The following ENPEP variants were observed in gnomAD, a reference collection of about 807,000 sequenced individuals.
The protein encoded by ENPEP is AP-A.
In ENPEP, 103 loss-of-function variants were observed where a neutral mutation model predicts 114.5. The ratio of observed to expected loss-of-function variants is 0.90; its 90% CI spans 0.77 to 1.06. ENPEP has a LOEUF of 1.06. Ranked by LOEUF, ENPEP falls within the 50% of genes least tolerant of loss-of-function variation. The probability of loss-of-function intolerance (pLI) is 0.00; values close to 1 mark genes in which losing one functional copy is unlikely to be tolerated. For synonymous variants in ENPEP, 420 were observed against 422.0 expected, an observed-to-expected ratio of 1.00 and a Z score of 0.06; for missense variants, 1,196 against 1,161.3, an observed-to-expected ratio of 1.03 and a Z score of -0.43.
At position 110,513,415 on chromosome 4, in the gene ENPEP, C is replaced by T. The variant is rs151006682; in HGVS notation, c.1309C>T (p.Arg437Cys). The T allele has an allele frequency of 3.1e-5, 50 of 1,609,212 alleles. No homozygotes were observed. The highest frequency in any genetic ancestry group is 2.0e-4 in the East Asian group (9 of 44,590). ...VNHAETDWQM[R>C]DQMLLEDVLP... ...CCTTTGGCTCATTCTTTCATTTCAG[C>T]GTGACCAAATGTTACTTGAAGATGT... The change falls in exon 7 of 20, where the codon CGT (arginine) becomes TGT (cysteine). Residue 437 changes from arginine to cysteine, a missense_variant and splice_region_variant. Arg to Cys is a radical substitution (Grantham distance 180). Coordinates refer to ENST00000265162, the MANE Select transcript of ENPEP (RefSeq NM_001977.4).
At chr4:110,492,052 T>A (rs578201767) in intron 3 of ENPEP, among the ~76,000 whole-genome samples, 3 of 152,104 alleles carry the variant, frequency 2.0e-5, no homozygotes, top group Non-Finnish European at 4.4e-5. Flanking sequence ...CCACATACTT[T>A]TACCTAATTA....
chr4:110,478,854 A>C (rs1437479543), intron 1 of ENPEP, among the ~76,000 whole-genome samples: 4 of 152,244 alleles, frequency 2.6e-5, no homozygotes, highest in African/African-American at 9.6e-5. Context: ...TATTATAAAC[A>C]AATCATCAAA....
At position 110,476,810 on chromosome 4, in the gene ENPEP, G is replaced by C. The variant is rs371805680; in HGVS notation, c.396G>C (p.Leu132=). Residue 132 remains leucine (L), a synonymous_variant, in exon 1 of 20, where the codon CTG becomes CTC. Transcript: ENST00000265162. The part of the protein sequence containing the change: ...SINLSAPTRY[L]WLHLRETRIT... ...ACCTGAGCGCTCCCACCCGGTACCT[G>C]TGGCTGCACCTCCGGGAGACCAGGA... 2.3e-5 allele frequency: 37 copies of C among 1,614,060 alleles called. No individual in the cohort carries two copies. Among genetic ancestry groups the C allele is most frequent in the Non-Finnish European group, 3.1e-5 (36 of 1,180,034 alleles).
At chr4:110,502,809 T>C (rs1251009518) in intron 3 of ENPEP, among the ~76,000 whole-genome samples, 1 of 152,188 alleles carries the variant, frequency 6.6e-6, no homozygotes, top group African/African-American at 2.4e-5. Flanking sequence ...GTCAAAACTA[T>C]CACTGGTTGT....
intron 1 of ENPEP, among the ~76,000 whole-genome samples, chr4:110,488,166 C>G (rs1724569813): frequency 6.6e-6 from 1 of 152,174 alleles, no homozygotes; most frequent in Admixed American, 6.5e-5. Context: ...TGTTTATCTA[C>G]TTGTTGCTCA....
In ENPEP at chr4:110,563,722, A is replaced by T. The variant is rs1023096938; in HGVS notation, c.*2164A>T. On this transcript the variant is annotated 3_prime_UTR_variant, in exon 20 of 20. Transcript: ENST00000265162. ...GAAAATATGGGAAGCAAGGTCATGT[A>T]GCAAAAAGCAAGGCCAGTATTACTG... The T allele has an allele frequency of 6.6e-6, 1 of 152,240 alleles. No homozygotes were observed. The highest frequency in any genetic ancestry group is 1.5e-5 in the Non-Finnish European group (1 of 68,026). The allele number at this position is 152,240 out of a possible 1,614,324, so 9.4% of individuals were successfully genotyped here.
chr4:110,500,582 C>G (rs952132482), intron 3 of ENPEP, among the ~76,000 whole-genome samples: 2 of 152,078 alleles, frequency 1.3e-5, no homozygotes, highest in Non-Finnish European at 2.9e-5. Context: ...ATAAAGTAGA[C>G]ATACGAACTT....
In ENPEP at chr4:110,564,240, G is replaced by A. The variant is rs906928388; in HGVS notation, c.*2682G>A. On this transcript the variant is annotated 3_prime_UTR_variant, in exon 20 of 20. Transcript: ENST00000265162. ...TGGAGAAGTTATAGAACTTGCACAAGGCTACAAAAGTTGTATTTGGCACCA... is the reference window on the plus strand; with the variant it reads ...TGGAGAAGTTATAGAACTTGCACAAAGCTACAAAAGTTGTATTTGGCACCA... 5.9e-5 allele frequency: 9 copies of A among 152,112 alleles called. No individual in the cohort carries two copies. The highest frequency in any genetic ancestry group is 1.2e-4 in the African/African-American group (5 of 41,414). 9.4% of individuals were successfully genotyped at this position (152,112 alleles called of 1,614,324 possible).
chr4:110,490,014 G>A (rs988631174), intron 2 of ENPEP, among the ~76,000 whole-genome samples: 1 of 152,130 alleles, frequency 6.6e-6, no homozygotes, highest in African/African-American at 2.4e-5. Flanking sequence ...AGGTTTGATT[G>A]GAGAAGAAAG....
Position 110,549,354 on chromosome 4 carries a change from C to T in ENPEP, c.2160C>T (p.Phe720=). ...KELYPMIEEY[F]QGQVKPIADS... ...TAATACTTTTATTTCAGGAATACTT[C>T]CAAGGTCAAGTGAAGCCTATTGCAG... Residue 720 remains phenylalanine (F), a synonymous_variant, in exon 15 of 20, where the codon TTC becomes TTT. Transcript: ENST00000265162. 1.9e-6 allele frequency: 3 copies of T among 1,612,642 alleles called. No homozygotes were observed. The highest frequency in any genetic ancestry group is 2.2e-5 in the East Asian group (1 of 44,844).
At position 110,488,594 on chromosome 4, in the gene ENPEP, G is replaced by C. The variant is rs747854381; in HGVS notation, c.698G>C (p.Cys233Ser). ...ACAGATGCCAGGAAATCTTTTCCTT[G>C]TTTTGATGAGCCCAACAAAAAGGCA... The part of the protein sequence containing the change: ...EPTDARKSFP[C>S]FDEPNKKATY... The change falls in exon 2 of 20, where the codon TGT becomes TCT. Residue 233 changes from cysteine (C) to serine (S), a missense_variant. By Grantham distance (112) the Cys-to-Ser change is moderately radical. Coordinates refer to ENST00000265162, the MANE Select transcript of ENPEP (RefSeq NM_001977.4). The C allele has an allele frequency of 1.8e-5, 29 of 1,613,784 alleles. No homozygotes were observed. Among genetic ancestry groups the C allele is most frequent in the Non-Finnish European group, 2.3e-5 (27 of 1,179,948 alleles).
intron 11 of ENPEP, among the ~76,000 whole-genome samples, chr4:110,531,760 TA>T: frequency 6.6e-6 from 1 of 152,278 alleles, no homozygotes; most frequent in East Asian, 1.9e-4. Flanking sequence ...TAAAAACAAG[TA>T]AACCTTCTCA....
rs147367863 is a variant in ENPEP at position 110,561,457 on chromosome 4, A to G, written c.2773A>G (p.Arg925Gly). ...ACAAGCTGGAGCAGGAGAAAAACCTAGGGAACAAGTGCTGGAAACAGTGAA... is the reference window on the plus strand; with the variant it reads ...ACAAGCTGGAGCAGGAGAAAAACCTGGGGAACAAGTGCTGGAAACAGTGAA... ...YPQAGAGEKPREQVLETVKNN... is the reference protein window; with the variant it reads ...YPQAGAGEKPGEQVLETVKNN... Residue 925 changes from arginine (R) to glycine (G), a missense_variant, in exon 20 of 20, where the codon AGG becomes GGG. Transcript: ENST00000265162. 778 of 1,614,068 alleles carry G rather than the reference A, an allele frequency of 4.8e-4. 2 individuals are homozygous for G. The highest frequency in any genetic ancestry group is 2.6e-3 in the Middle Eastern group (16 of 6,062).
At chr4:110,523,805 C>T (rs1489073698) in intron 10 of ENPEP, among the ~76,000 whole-genome samples, 5 of 152,150 alleles carry the variant, frequency 3.3e-5, no homozygotes, top group East Asian at 1.9e-4. Flanking sequence ...TGTGCAGGAA[C>T]GGCTGTCTTC....
At chr4:110,512,182 A>T (rs1349901343) in intron 6 of ENPEP, among the ~76,000 whole-genome samples, 1 of 152,246 alleles carries the variant, frequency 6.6e-6, no homozygotes, top group Admixed American at 6.5e-5. Flanking sequence ...GGTCAGATAG[A>T]TAAAGATATT....
chr4:110,526,527 C>T (rs766189980), intron 10 of ENPEP, among the ~76,000 whole-genome samples: 6 of 152,016 alleles, frequency 3.9e-5, no homozygotes, highest in African/African-American at 1.2e-4. Context: ...TTCCAAGAAA[C>T]GGGATAGCAG....
chr4:110,508,130 C>T (rs1289187330), intron 4 of ENPEP, among the ~76,000 whole-genome samples: 2 of 152,080 alleles, frequency 1.3e-5, no homozygotes, highest in Non-Finnish European at 2.9e-5. Flanking sequence ...CTCCCCAACT[C>T]CTTTATTCTG....
rs1726138629 is a variant in ENPEP, at chr4:110,524,909, C to T, written c.1727+4543C>T. On this transcript the variant is annotated intron_variant, in intron 10 of 19. Coordinates refer to ENST00000265162, the MANE Select transcript of ENPEP (RefSeq NM_001977.4). ...AAGTAACTGGGACTACAGGTGCTCA[C>T]CAACATGCCCAGCTAATGTGTAAAA... is the stretch of plus-strand genomic sequence containing the variant. Among the ~76,000 whole-genome samples the T allele has an allele frequency of 2.0e-5, 3 of 152,294 alleles. No homozygotes were observed. In the South Asian group the frequency reaches 6.2e-4, roughly 32 times the overall value.
At chr4:110,542,160 G>C (rs1726873225) in intron 11 of ENPEP, among the ~76,000 whole-genome samples, 1 of 152,072 alleles carries the variant, frequency 6.6e-6, no homozygotes, top group Non-Finnish European at 1.5e-5. Flanking sequence ...AATCAAGAAC[G>C]TTTCATTCAG....
Sources: allele counts gnomAD v4.1 joint callset (sites outside exome capture counted in the v4.1 genomes callset), GRCh38; gene constraint gnomAD v4.1.1; transcripts MANE v1.5; gene names NCBI Gene and HGNC (gene_info 2026-07-23, HGNC 2026-07-21).